The following GATA5 variants were observed in gnomAD, a reference collection of about 807,000 sequenced individuals.
GATA5 encodes transcription factor GATA-5.
In GATA5, 27 loss-of-function variants were observed where a neutral mutation model predicts 35.0. The observed-to-expected ratio is 0.77, with a 90% CI of 0.57 to 1.06. The LOEUF is 1.06. Ranked by LOEUF, GATA5 falls within the 50% of genes least tolerant of loss-of-function variation. GATA5 has a pLI of 0.00. For synonymous variants in GATA5, 306 were observed against 267.8 expected (o/e 1.14, Z -1.39); for missense variants, 612 against 580.0 (o/e 1.06, Z -0.57).
At position 62,473,496 on chromosome 20, in the gene GATA5, TC is replaced by T; in HGVS notation, c.605del (p.Arg202GlnfsTer18). On this transcript the variant is annotated frameshift_variant, in exon 3 of 7. Transcript: ENST00000252997. LOFTEE classifies it high-confidence loss of function. ...TGCACAGGTAGTGGCCGGTGCCGTC[TC>T]GGCGCCACAGCGGTGTGGACAGGGC... is the stretch of plus-strand genomic sequence containing the variant. ...CGALSTPLWR[R>X]DGTGHYLCNA... The T allele has an allele frequency of 6.2e-7, 1 of 1,610,254 alleles. No homozygotes were observed. Among genetic ancestry groups the T allele is most frequent in the South Asian group, 1.1e-5 (1 of 90,546 alleles).
chr20:62,465,035 GCGT>G, intron 6 of GATA5, 44 bp from the exon 7 acceptor site: 1 of 1,205,310 alleles, frequency 8.3e-7, no homozygotes, highest in South Asian at 1.3e-5. Flanking sequence ...GGGGCGTGGG[GCGT>G]GGGGGGCTGG....
chr20:62,465,819 G>C lies in GATA5; in HGVS notation c.913+15C>G. Reference sequence around the variant, plus strand: ...TCCGCAGGAGCGGGGCTGACTGCAGGGCCTGGCCACGCACCTGAGGAGCCC... The same window carrying C: ...TCCGCAGGAGCGGGGCTGACTGCAGCGCCTGGCCACGCACCTGAGGAGCCC... On this transcript the variant is annotated intron_variant, in intron 5 of 6. Coordinates refer to ENST00000252997, the MANE Select transcript of GATA5 (RefSeq NM_080473.5). 1 of 1,565,898 alleles carries C rather than the reference G, an allele frequency of 6.4e-7. No individual in the cohort carries two copies. Among genetic ancestry groups the C allele is most frequent in the Non-Finnish European group, 8.7e-7 (1 of 1,152,352 alleles).
chr20:62,472,409 A>G (rs11204426), intron 3 of GATA5, among the ~76,000 whole-genome samples: 96,924 of 152,096 alleles, frequency 0.64, 31,132 homozygotes, highest in Middle Eastern at 0.71. Flanking sequence ...CCGGCATAGC[A>G]CGCGAATCCA....
chr20:62,465,376 C>T lies in GATA5; in HGVS notation c.1002G>A (p.Ala334=), dbSNP rs781947509. Residue 334 remains alanine, a synonymous_variant, in exon 6 of 7, where the codon GCG becomes GCA. Coordinates refer to ENST00000252997, the MANE Select transcript of GATA5 (RefSeq NM_080473.5). ...AATSKAKPSL[A]SPVCPGPSMA... is the part of the protein sequence containing the mutation. ...TGCTGGGCCCAGGGCACACTGGGGA[C>T]GCCAGGCTGGGCTTGGCTTTCGAAG... is the stretch of plus-strand genomic sequence containing the variant. 9 of 1,604,402 alleles carry T rather than the reference C, an allele frequency of 5.6e-6. No individual in the cohort carries two copies. Among genetic ancestry groups the T allele is most frequent in the East Asian group, 2.2e-5 (1 of 44,840 alleles).
rs73149273 is a variant in GATA5, at chr20:62,470,196, C to T, written c.699+3207G>A. Among the ~76,000 whole-genome samples, 12,419 of 152,308 alleles carry T rather than the reference C, an allele frequency of 0.082. 648 individuals carry two copies. Among genetic ancestry groups the T allele is most frequent in the Middle Eastern group, 0.16 (47 of 294 alleles). On this transcript the variant is annotated intron_variant, in intron 3 of 6. Coordinates refer to ENST00000252997, the MANE Select transcript of GATA5 (RefSeq NM_080473.5). This position sits in a 1 kb window ranked among gnomAD's most constrained non-coding sequence, Gnocchi z 4.6. The stretch of plus-strand genomic sequence containing the variant: ...GCTCTGGGCAGGGCAGGGCCCGGGC[C>T]GGTGCTGGCGGAAATTCAAGGAAGG...
intron 3 of GATA5, among the ~76,000 whole-genome samples, chr20:62,469,374 C>G (rs1989668813): frequency 6.6e-6 from 1 of 152,226 alleles, no homozygotes; most frequent in South Asian, 2.1e-4. Context: ...CGCCTTCAGA[C>G]TGAGGGGCAT....
Position 62,475,029 on chromosome 20 carries a change from GC to G in GATA5, c.492del (p.His165ThrfsTer55). ...WTAGPFDGSVLHGLPGRRPTF... is the reference protein window; with the variant it reads ...WTAGPFDGSVXHGLPGRRPTF... ...GTGGGCCTGCGGCCTGGGAGGCCGT[GC>G]AGGACGCTGCCATCGAAGGGCCCGG... On this transcript the variant is annotated frameshift_variant, in exon 2 of 7. Transcript: ENST00000252997. LOFTEE classifies it high-confidence loss of function. 7.2e-7 allele frequency: 1 copy of G among 1,392,600 alleles called. No individual in the cohort carries two copies. 86.3% of individuals were successfully genotyped at this position (1,392,600 alleles called of 1,614,324 possible).
chr20:62,470,840 G>A lies in GATA5; in HGVS notation c.699+2563C>T, dbSNP rs570132989. Among the ~76,000 whole-genome samples the A allele has an allele frequency of 3.3e-5, 5 of 152,122 alleles. No homozygotes were observed. In the South Asian group the frequency reaches 8.3e-4, roughly 25 times the overall value. ...GAGGGCACGGTGGTCCCTACCCTCCGAGGCCTCTGGTCTTGGCAAGATGGA... is the reference window on the plus strand; with the variant it reads ...GAGGGCACGGTGGTCCCTACCCTCCAAGGCCTCTGGTCTTGGCAAGATGGA... On this transcript the variant is annotated intron_variant, in intron 3 of 6. Coordinates refer to ENST00000252997, the MANE Select transcript of GATA5 (RefSeq NM_080473.5). This position sits in a 1 kb window ranked among gnomAD's most constrained non-coding sequence, Gnocchi z 4.6.
In GATA5 at chr20:62,473,709, C is replaced by A. The variant is rs782230478; in HGVS notation, c.524-131G>T. 4.0e-4 allele frequency: 300 copies of A among 743,820 alleles called. 1 individual carries two copies. In the Middle Eastern group the frequency reaches 0.012, roughly 30 times the overall value. The allele number at this position is 743,820 out of a possible 1,614,324, so 46.1% of individuals were successfully genotyped here. ...AGACGAATAAACTTAAGGCACAAAT[C>A]TTGTGCCTTAGATGTATTTTATTTT... On this transcript the variant is annotated intron_variant, in intron 2 of 6. Transcript: ENST00000252997.
In GATA5 at chr20:62,475,274, G is replaced by T. The variant is rs994848200; in HGVS notation, c.248C>A (p.Pro83Gln). 8 of 1,245,736 alleles carry T rather than the reference G, an allele frequency of 6.4e-6. No individual in the cohort carries two copies. The highest frequency in any genetic ancestry group is 8.5e-5 in the Admixed American group (2 of 23,638). 77.2% of individuals were successfully genotyped at this position (1,245,736 alleles called of 1,614,324 possible). Residue 83 changes from proline to glutamine, a missense_variant, in exon 2 of 7, where the codon CCA (proline) becomes CAA (glutamine). Physicochemically the swap from Pro to Gln is moderately conservative, Grantham distance 76. Coordinates refer to ENST00000252997, the MANE Select transcript of GATA5 (RefSeq NM_080473.5). ...GGTGGCCCCGGGCGGGTGCGCGGCT[G>T]GGGGGTGCGGACTGCCCGGGCCGAA... ...SAFGPGSPHP[P>Q]AAHPPGATAF... is the part of the protein sequence containing the mutation.
At chr20:62,469,645 T>G (rs879978801) in intron 3 of GATA5, among the ~76,000 whole-genome samples, 1 of 152,144 alleles carries the variant, frequency 6.6e-6, no homozygotes, top group Non-Finnish European at 1.5e-5. Flanking sequence ...CCCCTGCGAG[T>G]GCCAGGGAAA....
intron 6 of GATA5, 33 bp from the exon 7 acceptor site, chr20:62,465,024 TGGGGCGTGGGGCGTGG>T: frequency 1.9e-5 from 2 of 104,930 alleles, no homozygotes; most frequent in Non-Finnish European, 3.5e-5. Flanking sequence ...GAATGTGGGG[TGGGGCGTGGGGCGTGG>T]GGGGCTGGGG....
chr20:62,473,354 C>A, intron 3 of GATA5, 49 bp downstream of exon 3: 1 of 1,560,636 alleles, frequency 6.4e-7, no homozygotes, highest in Non-Finnish European at 8.7e-7. Context: ...AAGAGGTCCC[C>A]TCGGGGGAGC....
At chr20:62,474,590 G>T (rs904277144) in intron 2 of GATA5, among the ~76,000 whole-genome samples, 1 of 152,242 alleles carries the variant, frequency 6.6e-6, no homozygotes, top group Non-Finnish European at 1.5e-5. Context: ...CTCGGGAAGC[G>T]ACTGAAACCA....
intron 4 of GATA5, among the ~76,000 whole-genome samples, 196 bp downstream of exon 4, chr20:62,466,230 G>A (rs192723649): frequency 6.6e-6 from 1 of 152,340 alleles, no homozygotes; most frequent in Admixed American, 6.5e-5. Flanking sequence ...CGTCTGTGCC[G>A]TGAGTGTAAC....
chr20:62,465,087 C>T (rs576284507), intron 6 of GATA5, 96 bp from the exon 7 acceptor site: 19 of 1,078,618 alleles, frequency 1.8e-5, no homozygotes, highest in Admixed American at 5.4e-5. Context: ...CTCCCATGAC[C>T]GGTATTTGCC....
intron 1 of GATA5, 145 bp downstream of exon 1, chr20:62,475,785 T>G: frequency 6.0e-5 from 18 of 299,964 alleles, no homozygotes; most frequent in Non-Finnish European, 8.5e-5. Context: ...GCTTCGGAGG[T>G]CCCCGGGGTG....
chr20:62,474,489 A>G (rs1410725353), intron 2 of GATA5, among the ~76,000 whole-genome samples: 2 of 152,238 alleles, frequency 1.3e-5, no homozygotes, highest in Non-Finnish European at 1.5e-5. Flanking sequence ...TGCGGAGCTC[A>G]GAGGAGCCGC....
chr20:62,468,403 A>G (rs1989645478), intron 3 of GATA5, among the ~76,000 whole-genome samples: 1 of 152,206 alleles, frequency 6.6e-6, no homozygotes, highest in South Asian at 2.1e-4. Context: ...GGCTGCTGCC[A>G]AGGGCACAGG....
Sources: gnomAD v4.1 joint callset for allele counts (sites outside exome capture counted in the v4.1 genomes callset) on GRCh38, gnomAD v4.1.1 for gene constraint, Gnocchi (gnomAD v3.1) non-coding constraint, MANE v1.5 for transcripts, NCBI Gene and HGNC (gene_info 2026-07-23, HGNC 2026-07-21) for gene names.